POM121C: variants seen among roughly 807,000 people sequenced by gnomAD.
The protein encoded by POM121C is nuclear envelope pore membrane protein POM 121C.
A neutral mutation model predicts 66.4 loss-of-function variants in POM121C; 20 were observed. That is an observed-to-expected ratio of 0.30 (90% confidence interval 0.21 to 0.44). The LOEUF (loss-of-function observed/expected upper bound fraction) is 0.44, where lower values mean the gene tolerates loss of function less well. Ranked by LOEUF, POM121C falls within the 20% of genes least tolerant of loss-of-function variation. The probability of loss-of-function intolerance (pLI) is 1.00; values close to 1 mark genes in which losing one functional copy is unlikely to be tolerated. For synonymous variants in POM121C, 286 were observed against 528.0 expected, an observed-to-expected ratio of 0.54 and a Z score of 6.28; for missense variants, 580 against 1,225.7, an observed-to-expected ratio of 0.47 and a Z score of 7.87.
intron 13 of POM121C, chr7:75,420,683 T>C (rs1789671052): frequency 6.6e-6 from 1 of 152,248 alleles, no homozygotes; most frequent in Non-Finnish European, 1.5e-5. Context: ...ACAGAAGCCA[T>C]GGGATCTACA....
At position 75,421,648 on chromosome 7, in the gene POM121C, T is replaced by C. The variant is rs782148931; in HGVS notation, c.2604A>G (p.Gly868=). The stretch of plus-strand genomic sequence containing the variant: ...TGGCTGTGCTCCCACTCTGTCCTGC[T>C]CCAAAGCTGAAAGCTCCGGTGGTGG... ...SSATTGAFSF[G]AGQSGSTATS... is the part of the protein sequence containing the mutation. Residue 868 remains glycine, a synonymous_variant, in exon 13 of 15, where the codon GGA becomes GGG. Coordinates refer to ENST00000615331, the MANE Select transcript of POM121C (RefSeq NM_001099415.3). 16 of 1,613,218 alleles carry C rather than the reference T, an allele frequency of 9.9e-6. No homozygotes were observed. The East Asian group carries it at 3.1e-4, about 31-fold the overall frequency.
chr7:75,465,495 C>G (rs1791599378), intron 3 of POM121C, among the ~76,000 whole-genome samples: 1 of 151,444 alleles, frequency 6.6e-6, no homozygotes, highest in Admixed American at 6.6e-5. Context: ...TGGCTCACAC[C>G]TGTAATCCCA....
intron 1 of POM121C, among the ~76,000 whole-genome samples, chr7:75,482,363 G>C (rs1337903093): frequency 6.6e-6 from 1 of 152,118 alleles, no homozygotes; most frequent in African/African-American, 2.4e-5. Context: ...ACTGCTTGAG[G>C]CCAGGAGTTT....
intron 7 of POM121C, among the ~76,000 whole-genome samples, chr7:75,436,071 C>T (rs1790394077): frequency 6.6e-6 from 1 of 151,012 alleles, no homozygotes; most frequent in Non-Finnish European, 1.5e-5. Flanking sequence ...AAAGAAATTG[C>T]ATGTACTAGG....
At chr7:75,439,815 CTTCTT>C in intron 5 of POM121C, among the ~76,000 whole-genome samples, 1 of 152,050 alleles carries the variant, frequency 6.6e-6, no homozygotes. Flanking sequence ...CCCACTTCAA[CTTCTT>C]TTCTTTCTGT....
intron 14 of POM121C, among the ~76,000 whole-genome samples, 195 bp from the exon 15 acceptor site, chr7:75,419,088 C>A (rs587769635): frequency 2.1e-4 from 32 of 152,324 alleles, no homozygotes; most frequent in South Asian, 1.4e-3. Flanking sequence ...GCGAGGCCCA[C>A]GAATCCATTT....
rs371579456 is a variant in POM121C, at chr7:75,437,558, T to C, written c.437A>G (p.Asn146Ser). ...YTSGIPSSSR[N>S]AITSSYSSTR... ...GGAGCTGTAGGAACTGGTAATGGCA[T>C]TGCGGCTGGAGCTAGGGATGCCACT... Residue 146 changes from asparagine (N) to serine (S), a missense_variant, in exon 7 of 15, where the codon AAT (asparagine) becomes AGT (serine). Transcript: ENST00000615331. 5.6e-6 allele frequency: 9 copies of C among 1,613,814 alleles called. No homozygotes were observed. The highest frequency in any genetic ancestry group is 5.3e-5 in the African/African-American group (4 of 74,916).
At chr7:75,435,465 T>C (rs1267810671) in intron 7 of POM121C, among the ~76,000 whole-genome samples, 1 of 152,234 alleles carries the variant, frequency 6.6e-6, no homozygotes, top group Non-Finnish European at 1.5e-5. Context: ...TATCTTGTTT[T>C]AGCGTATTTT....
At chr7:75,441,846 C>G (rs1790662333) in intron 3 of POM121C, among the ~76,000 whole-genome samples, 199 bp from the exon 4 acceptor site, 1 of 151,518 alleles carries the variant, frequency 6.6e-6, no homozygotes, top group Non-Finnish European at 1.5e-5. Context: ...ACAGCTGTCT[C>G]AACAATGGAT....
Position 75,421,695 on chromosome 7 carries a change from C to T in POM121C, c.2557G>A (p.Val853Met), listed in dbSNP as rs1554470680. The T allele has an allele frequency of 2.5e-6, 4 of 1,608,962 alleles. No homozygotes were observed. Among genetic ancestry groups the T allele is most frequent in the East Asian group, 4.5e-5 (2 of 44,790 alleles). The change falls in exon 13 of 15, where the codon GTG becomes ATG. Residue 853 changes from valine (V) to methionine (M), a missense_variant. Coordinates refer to ENST00000615331, the MANE Select transcript of POM121C (RefSeq NM_001099415.3). ...PAGSGSFGIN[V>M]ATPGSSATTG... ...GTGGCGCTGGAGCCTGGGGTGGCCA[C>T]GTTGATCCCAAAGCTCCCACTGCCA...
chr7:75,416,908 C>G lies in POM121C; in HGVS notation c.*1888G>C. The G allele has an allele frequency of 2.1e-6, 3 of 1,430,750 alleles. No individual in the cohort carries two copies. Among genetic ancestry groups the G allele is most frequent in the Non-Finnish European group, 2.7e-6 (3 of 1,097,460 alleles). The allele number at this position is 1,430,750 out of a possible 1,614,324, so 88.6% of individuals were successfully genotyped here. A position where few individuals can be genotyped will look rare whatever the true frequency, so the allele number is the denominator to read the frequency against. On this transcript the variant is annotated 3_prime_UTR_variant, in exon 15 of 15. Transcript: ENST00000615331. ...CTCTATTTGTAATGGAAAGTCCCAG[C>G]CTCCCGCTGCCGTCCAGTGTGTGTA...
intron 1 of POM121C, among the ~76,000 whole-genome samples, chr7:75,476,538 C>G (rs1792084086): frequency 2.0e-5 from 3 of 152,062 alleles, no homozygotes; most frequent in African/African-American, 7.2e-5. Context: ...AGAGGCAGAG[C>G]TGCTAGGCTG....
At chr7:75,476,833 T>C (rs1458973054) in intron 1 of POM121C, among the ~76,000 whole-genome samples, 1 of 151,940 alleles carries the variant, frequency 6.6e-6, no homozygotes, top group Non-Finnish European at 1.5e-5. Context: ...TCCAACAATA[T>C]AGACTAGTTT....
intron 7 of POM121C, among the ~76,000 whole-genome samples, chr7:75,431,591 GA>G (rs1790181997): frequency 1.1e-5 from 1 of 91,758 alleles, no homozygotes; most frequent in South Asian, 4.1e-4. Context: ...CAACAAGAGT[GA>G]AACTCCGTCT....
intron 3 of POM121C, among the ~76,000 whole-genome samples, chr7:75,450,171 A>C (rs1554475405): frequency 6.6e-6 from 1 of 152,268 alleles, no homozygotes; most frequent in African/African-American, 2.4e-5. Context: ...GGCTTCTAGA[A>C]CTGTGAGAAA....
chr7:75,468,551 T>A (rs1172553030), intron 3 of POM121C, among the ~76,000 whole-genome samples: 2 of 152,044 alleles, frequency 1.3e-5, no homozygotes, highest in African/African-American at 4.8e-5. Flanking sequence ...ACTCCCAACC[T>A]CAGGTGATCC....
At chr7:75,436,792 T>C (rs587684828) in intron 7 of POM121C, among the ~76,000 whole-genome samples, 2 of 152,148 alleles carry the variant, frequency 1.3e-5, no homozygotes, top group Admixed American at 1.3e-4. Flanking sequence ...CAAGCATTTT[T>C]TTCCTTTTCT....
intron 3 of POM121C, among the ~76,000 whole-genome samples, chr7:75,449,390 A>T: frequency 6.9e-6 from 1 of 145,186 alleles, no homozygotes; most frequent in Admixed American, 6.9e-5. Flanking sequence ...TTTGAGACTG[A>T]GTCTCACTCT....
intron 1 of POM121C, among the ~76,000 whole-genome samples, chr7:75,476,520 G>C: frequency 6.6e-6 from 1 of 152,098 alleles, no homozygotes; most frequent in Non-Finnish European, 1.5e-5. Context: ...TAGATCCCAA[G>C]AGATAGCAGA....
Sources: gnomAD v4.1 joint callset for allele counts (sites outside exome capture counted in the v4.1 genomes callset) on GRCh38, gnomAD v4.1.1 for gene constraint, MANE v1.5 for transcripts, NCBI Gene and HGNC (gene_info 2026-07-23, HGNC 2026-07-21) for gene names.